DACH2: variants seen among roughly 807,000 people sequenced by gnomAD.
DACH2 encodes the protein dachshund family transcription factor 2, also known as dachshund homolog 2.
A neutral mutation model predicts 35.8 loss-of-function variants in DACH2; 17 were observed. The ratio of observed to expected loss-of-function variants is 0.48; its 90% CI spans 0.33 to 0.71. The LOEUF (loss-of-function observed/expected upper bound fraction) is 0.71. DACH2 is among the 30% of genes least tolerant of loss of function. DACH2 has a pLI of 0.02. For missense variants in DACH2, 469 were observed against 472.7 expected (o/e 0.99, Z 0.07); for synonymous variants, 195 against 177.3 (o/e 1.10, Z -0.79).
chrX:86,305,809 AC>A (rs778206341), intron 1 of DACH2, among the ~76,000 whole-genome samples: 2 of 112,085 alleles, frequency 1.8e-5, no homozygotes, highest in East Asian at 5.6e-4. Flanking sequence ...AAGAAGATAT[AC>A]AAATGACACA....
Position 86,242,278 on chromosome X carries a change from GC to G in DACH2, c.488+93173del, listed in dbSNP as rs747747096. 2.4e-4 allele frequency among the ~76,000 whole-genome samples: 27 copies of G among 112,573 alleles called. No individual in the cohort carries two copies. The East Asian group carries it at 6.2e-3, about 26-fold the overall frequency. ...GGTGGGGCTTCCCAAGGCCTTACGA[GC>G]CCACCCCTTGCATCACTGTGTCCTG... On this transcript the variant is annotated intron_variant, in intron 1 of 11. Coordinates refer to ENST00000373125, the MANE Select transcript of DACH2 (RefSeq NM_053281.3).
intron 1 of DACH2, among the ~76,000 whole-genome samples, chrX:86,290,494 G>C (rs1424581942): frequency 2.2e-5 from 2 of 91,908 alleles, no homozygotes; most frequent in Non-Finnish European, 4.2e-5. Flanking sequence ...TGAAGTCCTT[G>C]CCCATGCCTA....
intron 2 of DACH2, among the ~76,000 whole-genome samples, chrX:86,400,428 G>A (rs1328610298): frequency 8.9e-6 from 1 of 111,853 alleles, no homozygotes; most frequent in Admixed American, 9.5e-5. Context: ...GTGAGGAGCT[G>A]CGTTCCTTTG....
intron 2 of DACH2, among the ~76,000 whole-genome samples, chrX:86,428,018 C>G (rs1161172382): frequency 9.0e-6 from 1 of 111,596 alleles, no homozygotes; most frequent in African/African-American, 3.2e-5. Flanking sequence ...CAAATTTCAG[C>G]TCACTTAAAT....
At chrX:86,568,742 G>A (rs1014802157) in intron 3 of DACH2, among the ~76,000 whole-genome samples, 1 of 111,349 alleles carries the variant, frequency 9.0e-6, no homozygotes, top group African/African-American at 3.3e-5. Context: ...ATGGGGCTGT[G>A]TAAAGCTATA....
chrX:86,765,697 GGTTTTTTTT>G (rs1198020577), intron 7 of DACH2, among the ~76,000 whole-genome samples: 16 of 35,216 alleles, frequency 4.5e-4, no homozygotes, highest in Non-Finnish European at 7.3e-4. Flanking sequence ...GTTGTTTTTT[GGTTTTTTTT>G]TTTTTTTTTT....
chrX:86,416,961 G>A (rs959470493), intron 2 of DACH2, among the ~76,000 whole-genome samples: 5 of 108,650 alleles, frequency 4.6e-5, no homozygotes, highest in African/African-American at 6.7e-5. Flanking sequence ...AAGTGTGGTC[G>A]TGGACACCTG....
At chrX:86,556,795 TAGAG>T (rs1194704943) in intron 3 of DACH2, among the ~76,000 whole-genome samples, 45 of 25,259 alleles carry the variant, frequency 1.8e-3, no homozygotes, top group African/African-American at 5.6e-3. Context: ...TATATATATA[TAGAG>T]AGAGAGAGAG....
At chrX:86,769,719 C>A (rs1326238245) in intron 7 of DACH2, among the ~76,000 whole-genome samples, 2 of 111,320 alleles carry the variant, frequency 1.8e-5, no homozygotes, top group Non-Finnish European at 3.8e-5. Flanking sequence ...TTTTTATATT[C>A]TTCGCAATGT....
At chrX:86,621,787 C>T (rs1296646107) in intron 3 of DACH2, among the ~76,000 whole-genome samples, 4 of 111,560 alleles carry the variant, frequency 3.6e-5, no homozygotes, top group African/African-American at 1.3e-4. Flanking sequence ...CAGTGGGTGT[C>T]CAATAATAGT....
intron 1 of DACH2, chrX:86,160,351 G>A: frequency 1.1e-6 from 1 of 879,142 alleles, no homozygotes; most frequent in Non-Finnish European, 1.7e-6. Context: ...AAACACCAAA[G>A]TGACCCAGAG....
At chrX:86,620,529 C>T (rs2040056960) in intron 3 of DACH2, among the ~76,000 whole-genome samples, 2 of 111,583 alleles carry the variant, frequency 1.8e-5, no homozygotes, top group South Asian at 7.4e-4. Flanking sequence ...ACATATTGGT[C>T]CATTTTCTCT....
At chrX:86,625,943 CT>C (rs1180688489) in intron 3 of DACH2, among the ~76,000 whole-genome samples, 1 of 111,220 alleles carries the variant, frequency 9.0e-6, no homozygotes, top group African/African-American at 3.3e-5. Context: ...TATTCCACCC[CT>C]AGTCCCTCCC....
At chrX:86,186,994 G>A (rs1440078934) in intron 1 of DACH2, among the ~76,000 whole-genome samples, 1 of 111,503 alleles carries the variant, frequency 9.0e-6, no homozygotes, top group Non-Finnish European at 1.9e-5. Flanking sequence ...GAAAAGAAAC[G>A]GGAATTTATT....
At chrX:86,547,520 G>A (rs1374793509) in intron 3 of DACH2, among the ~76,000 whole-genome samples, 1 of 75,667 alleles carries the variant, frequency 1.3e-5, no homozygotes, top group Admixed American at 1.6e-4. Flanking sequence ...CTAACGTGCT[G>A]CAGAACACAC....
At chrX:86,664,714 A>C (rs1206242025) in intron 4 of DACH2, among the ~76,000 whole-genome samples, 1 of 112,167 alleles carries the variant, frequency 8.9e-6, no homozygotes, top group Non-Finnish European at 1.9e-5. Context: ...GAAATCTGTC[A>C]GCTGCATGAT....
chrX:86,536,903 G>C (rs776810078), intron 3 of DACH2, among the ~76,000 whole-genome samples: 1 of 111,039 alleles, frequency 9.0e-6, no homozygotes, highest in South Asian at 3.9e-4. Flanking sequence ...GATACCTTTT[G>C]GTTTATATAA....
At chrX:86,317,771 C>A (rs2034940818) in intron 1 of DACH2, among the ~76,000 whole-genome samples, 1 of 111,198 alleles carries the variant, frequency 9.0e-6, no homozygotes, top group Non-Finnish European at 1.9e-5. Context: ...GGGTTTGTAC[C>A]TTCAAATACC....
rs186591115 is a variant in DACH2 at position 86,369,149 on chromosome X, T to C, written c.489-7675T>C. Reference sequence around the variant, plus strand: ...ACAACAAGTGGTATTATTATTTAAATATGAGATTTTGAACCTGTAAACAAA... The same window carrying C: ...ACAACAAGTGGTATTATTATTTAAACATGAGATTTTGAACCTGTAAACAAA... On this transcript the variant is annotated intron_variant, in intron 1 of 11. Coordinates refer to ENST00000373125, the MANE Select transcript of DACH2 (RefSeq NM_053281.3). Among the ~76,000 whole-genome samples the C allele has an allele frequency of 7.1e-4, 79 of 111,045 alleles. 2 individuals are homozygous for C. The East Asian group carries it at 0.021, about 30-fold the overall frequency.
Sources: gnomAD v4.1 joint callset for allele counts (sites outside exome capture counted in the v4.1 genomes callset) on GRCh38, gnomAD v4.1.1 for gene constraint, MANE v1.5 for transcripts, NCBI Gene and HGNC (gene_info 2026-07-23, HGNC 2026-07-21) for gene names.